The following CDYL variants were observed in gnomAD, a reference collection of about 807,000 sequenced individuals.
CDYL encodes the protein chromodomain Y like, also known as chromodomain Y-like protein.
CDYL carries 8 observed loss-of-function variants against 47.3 expected under a neutral mutation model. The observed-to-expected ratio is 0.17, with a 90% CI of 0.10 to 0.31. CDYL has a LOEUF of 0.31. CDYL is among the 10% of genes least tolerant of loss of function. The pLI, the probability that CDYL is intolerant of heterozygous loss-of-function variation, is 1.00. For missense variants in CDYL, 471 were observed against 701.4 expected, an observed-to-expected ratio of 0.67 and a Z score of 3.71; for synonymous variants, 266 against 265.0, an observed-to-expected ratio of 1.00 and a Z score of -0.04.
At chr6:4,940,027 C>T (rs747366616) in intron 4 of CDYL, among the ~76,000 whole-genome samples, 107 of 152,150 alleles carry the variant, frequency 7.0e-4, no homozygotes, top group Admixed American at 1.5e-3. Context: ...CGTTGAATTC[C>T]CTTGGACAGA....
intron 4 of CDYL, among the ~76,000 whole-genome samples, chr6:4,940,323 T>G (rs527844808): frequency 2.4e-4 from 37 of 152,228 alleles, no homozygotes; most frequent in Non-Finnish European, 5.0e-4. Flanking sequence ...GAAAAATAAT[T>G]AGTTACACCA....
At chr6:4,715,938 G>A in intron 2 of CDYL, 1 of 1,572,034 alleles carries the variant, frequency 6.4e-7, no homozygotes, top group Non-Finnish European at 8.6e-7. Flanking sequence ...TTCTTAGAGA[G>A]GCCCCTTTTA....
At chr6:4,839,062 T>C (rs1417628509) in intron 1 of CDYL, among the ~76,000 whole-genome samples, 1 of 152,238 alleles carries the variant, frequency 6.6e-6, no homozygotes, top group African/African-American at 2.4e-5. Context: ...GTTTCCTTTT[T>C]TTACCACATC....
At chr6:4,896,751 T>C (rs1252221040) in intron 2 of CDYL, among the ~76,000 whole-genome samples, 2 of 152,192 alleles carry the variant, frequency 1.3e-5, no homozygotes, top group East Asian at 3.8e-4. Context: ...GTAAAGAAAC[T>C]GATTTGTTTT....
At chr6:4,809,918 T>C (rs1314530225) in intron 1 of CDYL, among the ~76,000 whole-genome samples, 1 of 149,886 alleles carries the variant, frequency 6.7e-6, no homozygotes, top group African/African-American at 2.5e-5. Flanking sequence ...ATACTTTGTA[T>C]GGTAGGGGTA....
At chr6:4,942,446 A>C (rs1035717106) in intron 4 of CDYL, among the ~76,000 whole-genome samples, 2 of 152,174 alleles carry the variant, frequency 1.3e-5, no homozygotes, top group African/African-American at 4.8e-5. Flanking sequence ...AAATTGCTGA[A>C]TTGTAGAGAG....
chr6:4,734,294 C>T (rs1757661932), intron 2 of CDYL, among the ~76,000 whole-genome samples: 1 of 152,206 alleles, frequency 6.6e-6, no homozygotes, highest in African/African-American at 2.4e-5. Flanking sequence ...TTGAGGGTCT[C>T]TCCAGGGCAC....
intron 1 of CDYL, among the ~76,000 whole-genome samples, chr6:4,708,897 T>G (rs555367047): frequency 2.0e-5 from 3 of 152,156 alleles, no homozygotes; most frequent in South Asian, 4.2e-4. Flanking sequence ...TCTCAGCTGC[T>G]TGGGAGGCTG....
At chr6:4,912,888 A>C (rs1260065189) in intron 2 of CDYL, among the ~76,000 whole-genome samples, 2 of 152,126 alleles carry the variant, frequency 1.3e-5, no homozygotes, top group Non-Finnish European at 2.9e-5. Context: ...CCCATGACCC[A>C]ATTGCCTCTT....
chr6:4,706,269 G>A (rs943097716), intron 1 of CDYL: 1 of 152,208 alleles, frequency 6.6e-6, no homozygotes, highest in Non-Finnish European at 1.5e-5. Context: ...TGGAAAGGAG[G>A]AAATGGGAGG....
intron 1 of CDYL, among the ~76,000 whole-genome samples, chr6:4,889,349 G>A (rs1761977697): frequency 6.6e-6 from 1 of 151,842 alleles, no homozygotes; most frequent in Admixed American, 6.6e-5. Context: ...TCAGCCTCCT[G>A]AGTAGCTGGG....
At chr6:4,838,983 A>G (rs1237316595) in intron 1 of CDYL, among the ~76,000 whole-genome samples, 3 of 152,124 alleles carry the variant, frequency 2.0e-5, no homozygotes, top group Non-Finnish European at 2.9e-5. Flanking sequence ...CCTTACTTTT[A>G]GTTCTTTAAG....
rs553484319 is a variant in CDYL, at chr6:4,928,506, T to G, written c.692-7009T>G. Among the ~76,000 whole-genome samples the G allele has an allele frequency of 2.6e-5, 4 of 152,324 alleles. No individual in the cohort carries two copies. The East Asian group carries it at 7.7e-4, about 29-fold the overall frequency. ...TATCTCACAACATCTTAAAATGCCCTTTGACATAAACCGTCAACCATTAGT... is the reference window on the plus strand; with the variant it reads ...TATCTCACAACATCTTAAAATGCCCGTTGACATAAACCGTCAACCATTAGT... On this transcript the variant is annotated intron_variant, in intron 2 of 6. Transcript: ENST00000397588.
At chr6:4,872,907 T>C (rs1318703119) in intron 1 of CDYL, among the ~76,000 whole-genome samples, 1 of 152,246 alleles carries the variant, frequency 6.6e-6, no homozygotes, top group Non-Finnish European at 1.5e-5. Context: ...GGAATTTCTT[T>C]ATGGCTTCTT....
chr6:4,769,110 G>A lies in CDYL; in HGVS notation c.186+34266G>A, dbSNP rs76309621. Among the ~76,000 whole-genome samples the A allele has an allele frequency of 5.5e-3, 838 of 152,236 alleles. 4 individuals are homozygous for A. The highest frequency in any genetic ancestry group is 0.019 in the African/African-American group (787 of 41,520). ...GAACTATTAATAGAGGTAATGCGGC[G>A]TCACAGATGGGATCCCGGGGCAGAA... On this transcript the variant is annotated intron_variant, in intron 3 of 8. Transcript: ENST00000328908.
Position 4,954,219 on chromosome 6 carries a change from T to A in CDYL, c.*163T>A. On this transcript the variant is annotated 3_prime_UTR_variant, in exon 7 of 7. Coordinates refer to ENST00000397588, the MANE Select transcript of CDYL (RefSeq NM_004824.4). ...CACGCTATTTATTATCGAGGAGTTT[T>A]AAAGTACTGTAACTTTAAAATAAAT... The A allele has an allele frequency of 1.6e-6, 1 of 617,820 alleles. No homozygotes were observed. The highest frequency in any genetic ancestry group is 2.6e-6 in the Non-Finnish European group (1 of 378,908). 38.3% of individuals were successfully genotyped at this position (617,820 alleles called of 1,614,324 possible).
At chr6:4,933,419 T>G (rs1758090143) in intron 2 of CDYL, among the ~76,000 whole-genome samples, 1 of 152,050 alleles carries the variant, frequency 6.6e-6, no homozygotes, top group African/African-American at 2.4e-5. Flanking sequence ...ATGTTTAGAG[T>G]CATCCAGCAT....
intron 1 of CDYL, among the ~76,000 whole-genome samples, chr6:4,846,700 CAT>C (rs759006884): frequency 1.3e-5 from 2 of 151,800 alleles, no homozygotes; most frequent in Non-Finnish European, 2.9e-5. Context: ...AGAAGCAAGA[CAT>C]AGAAAAAATA....
chr6:4,835,785 G>T (rs1055007104), intron 1 of CDYL, among the ~76,000 whole-genome samples: 1 of 152,166 alleles, frequency 6.6e-6, no homozygotes, highest in African/African-American at 2.4e-5. Flanking sequence ...GGCACTGGCC[G>T]GCGTCCCTCT....
Sources: gnomAD v4.1 joint callset for allele counts (sites outside exome capture counted in the v4.1 genomes callset) on GRCh38, gnomAD v4.1.1 for gene constraint, MANE v1.5 for transcripts, NCBI Gene and HGNC (gene_info 2026-07-23, HGNC 2026-07-21) for gene names.